ZFHX4: variants seen among roughly 807,000 people sequenced by gnomAD.
The protein encoded by ZFHX4 is zinc finger homeobox 4, also known as zinc finger homeobox protein 4.
ZFHX4 carries 56 observed loss-of-function variants against 267.6 expected under a neutral mutation model. The ratio of observed to expected loss-of-function variants is 0.21; its 90% confidence interval spans 0.17 to 0.26. The LOEUF (loss-of-function observed/expected upper bound fraction) is 0.26, where lower values mean the gene tolerates loss of function less well. ZFHX4 is among the 10% of genes least tolerant of loss of function. The pLI, the probability that ZFHX4 is intolerant of heterozygous loss-of-function variation, is 1.00. For missense variants in ZFHX4, 4,332 were observed against 4,420.0 expected (o/e 0.98, Z 0.56); for synonymous variants, 1,778 against 1,665.6 (o/e 1.07, Z -1.64).
rs748035743 is a variant in ZFHX4 at position 76,855,472 on chromosome 8, C to T, written c.8551C>T (p.Pro2851Ser). ...AAAAACTCTGGATACTCTGCCAAAA[C>T]CTGCAACCACACCTACCACGGAGGT... ...EPKTLDTLPKPATTPTTEVCD... is the reference protein window; with the variant it reads ...EPKTLDTLPKSATTPTTEVCD... The change falls in exon 10 of 11, where the codon CCT (proline) becomes TCT (serine). Residue 2851 changes from proline (P) to serine (S), a missense_variant. Pro to Ser is a moderately conservative substitution (Grantham distance 74). Transcript: ENST00000651372. 5.6e-6 allele frequency: 9 copies of T among 1,613,726 alleles called. No homozygotes were observed. The highest frequency in any genetic ancestry group is 1.7e-5 in the Admixed American group (1 of 60,004).
intron 10 of ZFHX4, among the ~76,000 whole-genome samples, chr8:76,860,094 A>G (rs1313140008): frequency 6.6e-6 from 1 of 152,032 alleles, no homozygotes; most frequent in Non-Finnish European, 1.5e-5. Context: ...AATTACCACC[A>G]CTTACTCTAC....
chr8:76,706,929 T>C (rs1278827117), intron 2 of ZFHX4, among the ~76,000 whole-genome samples: 1 of 152,214 alleles, frequency 6.6e-6, no homozygotes, highest in Non-Finnish European at 1.5e-5. Flanking sequence ...ATTCAGTAAG[T>C]TGATTAACAA....
At chr8:76,712,029 A>T (rs2131622150) in intron 3 of ZFHX4, among the ~76,000 whole-genome samples, 1 of 152,142 alleles carries the variant, frequency 6.6e-6, no homozygotes, top group East Asian at 1.9e-4. Context: ...TAATTATACT[A>T]CCTCTTTTTT....
chr8:76,832,003 G>T, intron 4 of ZFHX4, among the ~76,000 whole-genome samples: 1 of 33,558 alleles, frequency 3.0e-5, no homozygotes, highest in South Asian at 7.7e-4. Context: ...TTTTTTTAGT[G>T]GGGGGGGGCA....
chr8:76,706,903 A>G (rs1382253045), intron 2 of ZFHX4, among the ~76,000 whole-genome samples: 1 of 152,242 alleles, frequency 6.6e-6, no homozygotes, highest in East Asian at 1.9e-4. Flanking sequence ...CAGCGAAGTT[A>G]GCAAACTTTG....
chr8:76,780,071 C>T (rs1171300936), intron 4 of ZFHX4, among the ~76,000 whole-genome samples: 1 of 150,486 alleles, frequency 6.6e-6, no homozygotes, highest in Non-Finnish European at 1.5e-5. Context: ...AAAAAAAACA[C>T]AAAAGCATGG....
intron 4 of ZFHX4, among the ~76,000 whole-genome samples, chr8:76,803,551 T>A (rs149811447): frequency 2.6e-5 from 4 of 152,230 alleles, no homozygotes; most frequent in African/African-American, 9.6e-5. Context: ...TGGAGGACAG[T>A]GTAGTCAATG....
Position 76,785,469 on chromosome 8 carries a change from GA to G in ZFHX4, c.3325+7038del, listed in dbSNP as rs796559093. 4.2e-3 allele frequency among the ~76,000 whole-genome samples: 641 copies of G among 151,682 alleles called. 2 individuals carry two copies. Among genetic ancestry groups the G allele is most frequent in the Middle Eastern group, 0.014 (4 of 290 alleles). On this transcript the variant is annotated intron_variant, in intron 4 of 10. Transcript: ENST00000651372. ...GAAATAATCCCATTGGGAGAGGAGG[GA>G]AAAAAAACCTATTTTTAGAATAAAT...
At chr8:76,718,188 T>C (rs1269716922) in intron 3 of ZFHX4, among the ~76,000 whole-genome samples, 1 of 152,216 alleles carries the variant, frequency 6.6e-6, no homozygotes, top group East Asian at 1.9e-4. Context: ...TCCCAATTTT[T>C]AAACCAAATA....
chr8:76,858,314 G>T (rs553465722), intron 10 of ZFHX4, among the ~76,000 whole-genome samples: 1 of 152,348 alleles, frequency 6.6e-6, no homozygotes, highest in South Asian at 2.1e-4. Context: ...ATTTGTAATA[G>T]CATTAGTGAG....
intron 6 of ZFHX4, among the ~76,000 whole-genome samples, chr8:76,845,747 C>CT (rs1391158558): frequency 6.6e-6 from 1 of 152,004 alleles, no homozygotes; most frequent in Non-Finnish European, 1.5e-5. Flanking sequence ...AAGGCGGCAT[C>CT]TGCATTGAAA....
chr8:76,806,123 C>G (rs1271641211), intron 4 of ZFHX4, among the ~76,000 whole-genome samples: 1 of 152,102 alleles, frequency 6.6e-6, no homozygotes, highest in Non-Finnish European at 1.5e-5. Context: ...TGCACTTTCT[C>G]ATGACTCACT....
intron 3 of ZFHX4, among the ~76,000 whole-genome samples, chr8:76,759,906 A>C (rs1809865226): frequency 6.6e-6 from 1 of 152,198 alleles, no homozygotes; most frequent in Non-Finnish European, 1.5e-5. Flanking sequence ...TAAGACAGGT[A>C]AATGATCTAA....
rs1439244195 is a variant in ZFHX4, at chr8:76,856,121, T to C, written c.9200T>C (p.Ile3067Thr). The C allele has an allele frequency of 6.2e-7, 1 of 1,613,904 alleles. No individual in the cohort carries two copies. The highest frequency in any genetic ancestry group is 2.2e-5 in the East Asian group (1 of 44,864). ...ATGGCACAGCAAGAACTTGATCGTA[T>C]AAAGAAAGCTTCAGACGTGCTGGGC... ...QLMAQQELDR[I>T]KKASDVLGLT... The change falls in exon 10 of 11, where the codon ATA becomes ACA. Residue 3067 changes from isoleucine to threonine, a missense_variant. By Grantham distance (89) the Ile-to-Thr change is moderately conservative. Around this residue, in one of 7 missense-constraint regions of ZFHX4, gnomAD observed 1,648 missense variants for 1,625.0 expected, o/e 1.01. Transcript: ENST00000651372.
chr8:76,863,217 C>T lies in ZFHX4; in HGVS notation c.9503C>T (p.Pro3168Leu). ...CAGACTCCACCACCTCCACCACCTC[C>T]TCCTCCTCCTCCTCCTTCATCCTCT... is the stretch of plus-strand genomic sequence containing the variant. ...LLQTPPPPPP[P>L]PPPPPSSSLS... Residue 3168 changes from proline to leucine, a missense_variant, in exon 11 of 11, where the codon CCT (proline) becomes CTT (leucine). Pro to Leu is a moderately conservative substitution (Grantham distance 98). This residue lies in a region of ZFHX4 where 1,648 missense variants were observed against 1,625.0 expected (regional missense o/e 1.01). Coordinates refer to ENST00000651372, the MANE Select transcript of ZFHX4 (RefSeq NM_024721.5). 1 of 1,578,342 alleles carries T rather than the reference C, an allele frequency of 6.3e-7. No homozygotes were observed. Among genetic ancestry groups the T allele is most frequent in the South Asian group, 1.2e-5 (1 of 86,916 alleles).
At chr8:76,729,599 G>A (rs916948229) in intron 3 of ZFHX4, among the ~76,000 whole-genome samples, 1 of 152,120 alleles carries the variant, frequency 6.6e-6, no homozygotes, top group Non-Finnish European at 1.5e-5. Flanking sequence ...CGAGAATGGG[G>A]CCTCTTAGAC....
At chr8:76,783,584 T>C (rs1810610098) in intron 4 of ZFHX4, among the ~76,000 whole-genome samples, 1 of 152,000 alleles carries the variant, frequency 6.6e-6, no homozygotes, top group African/African-American at 2.4e-5. Flanking sequence ...TCTTGCATAA[T>C]GTATATAAAA....
chr8:76,811,727 T>C (rs749370051), intron 4 of ZFHX4, among the ~76,000 whole-genome samples: 5 of 152,192 alleles, frequency 3.3e-5, no homozygotes, highest in Non-Finnish European at 7.3e-5. Context: ...CAGATGCTTC[T>C]ATGCATTAGG....
intron 3 of ZFHX4, among the ~76,000 whole-genome samples, chr8:76,744,466 G>A (rs1809404346): frequency 6.6e-6 from 1 of 152,022 alleles, no homozygotes; most frequent in South Asian, 2.1e-4. Context: ...AGGGTGGAGT[G>A]CAGTGGTGCA....
Sources: allele counts gnomAD v4.1 joint callset (sites outside exome capture counted in the v4.1 genomes callset), GRCh38; gene constraint gnomAD v4.1.1; regional missense constraint gnomAD v4.1.1; transcripts MANE v1.5; gene names NCBI Gene and HGNC (gene_info 2026-07-23, HGNC 2026-07-21).